The following EBF2 variants were observed in gnomAD, a reference collection of about 807,000 sequenced individuals.
The protein encoded by EBF2 is EBF transcription factor 2, also known as transcription factor COE2.
In EBF2, 21 loss-of-function variants were observed where a neutral mutation model predicts 72.8. The observed-to-expected ratio is 0.29, with a 90% CI of 0.20 to 0.42. The LOEUF (loss-of-function observed/expected upper bound fraction) is 0.42, where lower values mean the gene tolerates loss of function less well. Ranked by LOEUF, EBF2 falls within the 10% of genes least tolerant of loss-of-function variation. EBF2 has a pLI of 1.00. For missense variants in EBF2, 637 were observed against 731.2 expected (o/e 0.87, Z 1.49); for synonymous variants, 299 against 274.2 (o/e 1.09, Z -0.89).
rs117559826 is a variant in EBF2 at position 25,938,058 on chromosome 8, G to A, written c.552-29503C>T. The stretch of plus-strand genomic sequence containing the variant: ...ATCTGAAAAAAAGGATTCAGAATTC[G>A]GAATAGTTTGTGGCATGGAATATTT... On this transcript the variant is annotated intron_variant, in intron 6 of 15. Coordinates refer to ENST00000520164, the MANE Select transcript of EBF2 (RefSeq NM_022659.4). Among the ~76,000 whole-genome samples the A allele has an allele frequency of 9.2e-5, 14 of 152,176 alleles. No homozygotes were observed. The East Asian group carries it at 9.6e-4, about 10-fold the overall frequency.
chr8:26,041,283 C>T, intron 2 of EBF2: 2 of 496,004 alleles, frequency 4.0e-6, no homozygotes, highest in South Asian at 4.7e-5. Flanking sequence ...AACAGGACCA[C>T]TTGCCAAAGC....
intron 8 of EBF2, among the ~76,000 whole-genome samples, 183 bp from the exon 9 acceptor site, chr8:25,888,155 T>C (rs1395166182): frequency 6.6e-6 from 1 of 152,116 alleles, no homozygotes; most frequent in African/African-American, 2.4e-5. Context: ...TTTTGTGATA[T>C]CCCCCACCAC....
intron 6 of EBF2, among the ~76,000 whole-genome samples, chr8:26,016,663 A>G (rs1028904457): frequency 5.9e-5 from 9 of 151,948 alleles, no homozygotes; most frequent in Admixed American, 3.9e-4. Flanking sequence ...GGGAAAGAGA[A>G]AAATGTTGCT....
At chr8:25,987,771 G>T (rs571866835) in intron 6 of EBF2, among the ~76,000 whole-genome samples, 13 of 152,142 alleles carry the variant, frequency 8.5e-5, no homozygotes, top group Admixed American at 4.6e-4. Flanking sequence ...CCCTCCAAAA[G>T]GTGTTCATTG....
chr8:25,846,691 A>C (rs1260583633), intron 15 of EBF2, among the ~76,000 whole-genome samples: 1 of 152,176 alleles, frequency 6.6e-6, no homozygotes, highest in Non-Finnish European at 1.5e-5. Context: ...CCTGTCTCAA[A>C]AAGAAAAATC....
Position 25,999,347 on chromosome 8 carries a change from T to C in EBF2, c.551+33738A>G, listed in dbSNP as rs148501242. Among the ~76,000 whole-genome samples the C allele has an allele frequency of 2.9e-3, 448 of 152,244 alleles. 2 individuals are homozygous for C. The highest frequency in any genetic ancestry group is 5.2e-3 in the Admixed American group (80 of 15,284). ...GGGCCAATGAAGATATAAATAAATA[T>C]TATTTTTAAAAACTCATCAGATGAA... On this transcript the variant is annotated intron_variant, in intron 6 of 15. Coordinates refer to ENST00000520164, the MANE Select transcript of EBF2 (RefSeq NM_022659.4).
chr8:25,939,204 T>G (rs768785826), intron 6 of EBF2, among the ~76,000 whole-genome samples: 5 of 152,238 alleles, frequency 3.3e-5, no homozygotes, highest in Non-Finnish European at 7.3e-5. Flanking sequence ...CTTAGTTCCT[T>G]TCTTTTACAT....
At chr8:25,921,067 C>A (rs988180576) in intron 6 of EBF2, among the ~76,000 whole-genome samples, 1 of 111,792 alleles carries the variant, frequency 8.9e-6, no homozygotes, top group African/African-American at 2.6e-5. Flanking sequence ...TACATATAAC[C>A]TTTGTGCCAA....
At chr8:25,869,016 A>G (rs1802383791) in intron 10 of EBF2, among the ~76,000 whole-genome samples, 1 of 152,146 alleles carries the variant, frequency 6.6e-6, no homozygotes, top group African/African-American at 2.4e-5. Context: ...TGTTTCCACT[A>G]AGTCTCATCA....
chr8:25,853,924 TA>T (rs1274268610), intron 14 of EBF2, among the ~76,000 whole-genome samples: 2 of 152,120 alleles, frequency 1.3e-5, no homozygotes, highest in African/African-American at 4.8e-5. Context: ...GGATGTGATA[TA>T]TGCCCAAAAT....
chr8:26,040,896 C>T (rs762090497), intron 3 of EBF2, 43 bp downstream of exon 3: 1 of 1,612,890 alleles, frequency 6.2e-7, no homozygotes, highest in Non-Finnish European at 8.5e-7. Flanking sequence ...GCCCGGAAGC[C>T]GGCTGCTAGG....
chr8:25,983,395 CT>C (rs1271588653), intron 6 of EBF2, among the ~76,000 whole-genome samples: 1 of 152,156 alleles, frequency 6.6e-6, no homozygotes, highest in Non-Finnish European at 1.5e-5. Flanking sequence ...GTTACAGCGA[CT>C]TTTTTCTTCT....
chr8:25,984,053 A>T (rs935321688), intron 6 of EBF2, among the ~76,000 whole-genome samples: 4 of 152,232 alleles, frequency 2.6e-5, no homozygotes, highest in Admixed American at 1.3e-4. Context: ...TGCGGGTACC[A>T]ACGTCAAAGA....
chr8:25,873,040 G>A (rs375923984), intron 10 of EBF2, among the ~76,000 whole-genome samples: 6 of 152,130 alleles, frequency 3.9e-5, no homozygotes, highest in South Asian at 2.1e-4. Flanking sequence ...TCTCTCCCTC[G>A]TCCTTCCCCT....
At chr8:25,898,371 A>C (rs1362222411) in intron 7 of EBF2, among the ~76,000 whole-genome samples, 6 of 151,756 alleles carry the variant, frequency 4.0e-5, no homozygotes, top group African/African-American at 1.5e-4. Flanking sequence ...CCGTTGGTGT[A>C]TTTTGGCTAA....
At chr8:25,993,924 G>A (rs889216560) in intron 6 of EBF2, among the ~76,000 whole-genome samples, 4 of 152,060 alleles carry the variant, frequency 2.6e-5, no homozygotes, top group African/African-American at 9.7e-5. Context: ...AGTTAGAAAA[G>A]GATATGGCCT....
At chr8:25,888,072 C>T (rs760878721) in intron 8 of EBF2, 100 bp from the exon 9 acceptor site, 72 of 1,323,646 alleles carry the variant, frequency 5.4e-5, no homozygotes, top group Middle Eastern at 2.1e-4. Flanking sequence ...TCTTGGGCCA[C>T]GTATAAAATA....
chr8:25,945,091 C>CG (rs201730707), intron 6 of EBF2, among the ~76,000 whole-genome samples: 23 of 116,798 alleles, frequency 2.0e-4, no homozygotes, highest in African/African-American at 6.8e-4. Context: ...TTCTGTTGCC[C>CG]CCCCCGCCCC....
chr8:25,851,189 G>A (rs1467142282), intron 14 of EBF2, among the ~76,000 whole-genome samples: 1 of 149,796 alleles, frequency 6.7e-6, no homozygotes. Flanking sequence ...AGTCCTATTT[G>A]GGAGCTATGT....
Sources: gnomAD v4.1 joint callset for allele counts (sites outside exome capture counted in the v4.1 genomes callset) on GRCh38, gnomAD v4.1.1 for gene constraint, MANE v1.5 for transcripts, NCBI Gene and HGNC (gene_info 2026-07-23, HGNC 2026-07-21) for gene names.